Variants in MTERF4 observed in about 807,000 individuals in gnomAD.
The protein encoded by MTERF4 is transcription termination factor 4, mitochondrial.
MTERF4 carries 17 observed loss-of-function variants against 22.5 expected under a neutral mutation model. The observed-to-expected ratio is 0.75, with a 90% CI of 0.52 to 1.13. The LOEUF is 1.13. Among genes scored for constraint, MTERF4 ranks in the 50% most tolerant of loss-of-function variants. The pLI is 0.00. For missense variants in MTERF4, 420 were observed against 466.8 expected, an observed-to-expected ratio of 0.90 and a Z score of 0.92; for synonymous variants, 165 against 175.3, an observed-to-expected ratio of 0.94 and a Z score of 0.47.
At chr2:241,077,715 G>A (rs1209259182) in intron 4 of MTERF4, among the ~76,000 whole-genome samples, 2 of 152,192 alleles carry the variant, frequency 1.3e-5, no homozygotes, top group African/African-American at 4.8e-5. Flanking sequence ...CTGCAAGGAA[G>A]ATATGCAAAT....
downstream of MTERF4, chr2:241,082,405 G>A: frequency 1.2e-5 from 19 of 1,524,042 alleles, no homozygotes; most frequent in Non-Finnish European, 1.4e-5. Context: ...CATTTGTCGT[G>A]TGTTCTTGAC....
downstream of MTERF4, among the ~76,000 whole-genome samples, chr2:241,083,334 G>A (rs1459500099): frequency 6.6e-6 from 1 of 152,156 alleles, no homozygotes; most frequent in Non-Finnish European, 1.5e-5. Flanking sequence ...GAGGGACAGG[G>A]AACCCTCGGG....
the MTERF4 span, among the ~76,000 whole-genome samples, chr2:241,063,095 G>C: frequency 6.6e-6 from 1 of 152,268 alleles, no homozygotes; most frequent in Non-Finnish European, 1.5e-5. Context: ...CTCCCCAGGG[G>C]AGACTGAGAG....
downstream of MTERF4, chr2:241,087,610 T>C (rs1250239735): frequency 2.1e-5 from 31 of 1,445,278 alleles, no homozygotes; most frequent in Non-Finnish European, 2.8e-5. Flanking sequence ...AGGCAGCCCC[T>C]GGGCAGCCAC....
chr2:241,048,960 G>A, the MTERF4 span: 3 of 1,450,382 alleles, frequency 2.1e-6, no homozygotes, highest in South Asian at 3.7e-5. Context: ...TCCTTGACAA[G>A]GACTCGAGGT....
chr2:241,081,757 T>C, intron 4 of MTERF4: 1 of 1,604,270 alleles, frequency 6.2e-7, no homozygotes, highest in Non-Finnish European at 8.5e-7. Context: ...CAGCTGTGAC[T>C]GCGGGCCAGG....
At chr2:241,078,228 C>A (rs561038861) in intron 4 of MTERF4, among the ~76,000 whole-genome samples, 34 of 151,484 alleles carry the variant, frequency 2.2e-4, no homozygotes, top group African/African-American at 8.0e-4. Context: ...ACTAAAAATA[C>A]AAAAATTAGC....
chr2:241,054,311 G>T, the MTERF4 span, among the ~76,000 whole-genome samples: 4 of 152,224 alleles, frequency 2.6e-5, no homozygotes, highest in African/African-American at 9.6e-5. Context: ...TAAAAGTCCA[G>T]AAAATATGTA....
At chr2:241,088,846 G>A (rs759301581), downstream of MTERF4, 77 of 213,508 alleles carry the variant, frequency 3.6e-4, no homozygotes, top group Non-Finnish European at 6.6e-4. Context: ...GGCTGAGAGA[G>A]TGCCTCCCAG....
chr2:241,057,412 T>TATATATATATATATGC, the MTERF4 span, among the ~76,000 whole-genome samples: 11 of 129,378 alleles, frequency 8.5e-5, no homozygotes, highest in African/African-American at 3.0e-4. Context: ...TATATATATA[T>TATATATATATATATGC]GCCATACGCA....
chr2:241,062,335 T>C, the MTERF4 span, among the ~76,000 whole-genome samples: 20 of 152,142 alleles, frequency 1.3e-4, no homozygotes, highest in African/African-American at 4.8e-4. Context: ...AATTAAACTT[T>C]AAAAAAATAA....
exon 5 of MTERF4, chr2:241,072,646 C>T (rs751933241): frequency 4.0e-5 from 9 of 223,830 alleles, no homozygotes; most frequent in Non-Finnish European, 5.3e-5. Context: ...GGGTCCCTGC[C>T]GCACGGTGAG....
At chr2:241,049,986 C>T in the MTERF4 span, 12 of 1,326,434 alleles carry the variant, frequency 9.0e-6, no homozygotes, top group African/African-American at 1.4e-5. Flanking sequence ...AGAGCGCCCG[C>T]GGTCCGCCGT....
At chr2:241,093,957 C>T (rs1419058118), downstream of MTERF4, 2 of 158,962 alleles carry the variant, frequency 1.3e-5, no homozygotes, top group Non-Finnish European at 2.8e-5. Context: ...CTAATGAAAC[C>T]GGGATGGACT....
the MTERF4 span, among the ~76,000 whole-genome samples, chr2:241,055,718 C>T: frequency 6.6e-6 from 1 of 152,188 alleles, no homozygotes; most frequent in Admixed American, 6.5e-5. Context: ...GTTCTCAGCA[C>T]CTACCAGGTC....
chr2:241,095,759 C>G lies in MTERF4; in HGVS notation c.*239G>C. ...AATAGCTCAACATAAGTATCTTATT[C>G]AGGATGGGACAGGGCCCTCCCCACA... On this transcript the variant is annotated 3_prime_UTR_variant, in exon 4 of 4. Coordinates refer to ENST00000391980, the MANE Select transcript of MTERF4 (RefSeq NM_182501.4). 1.7e-6 allele frequency: 1 copy of G among 589,294 alleles called. No homozygotes were observed. Among genetic ancestry groups the G allele is most frequent in the Non-Finnish European group, 2.9e-6 (1 of 348,432 alleles). The allele number at this position is 589,294 out of a possible 1,614,324, so 36.5% of individuals were successfully genotyped here.
chr2:241,068,005 G>A, downstream of MTERF4: 1 of 1,475,772 alleles, frequency 6.8e-7, no homozygotes, highest in Non-Finnish European at 9.3e-7. This position sits in a 1 kb window ranked among gnomAD's most constrained non-coding sequence, Gnocchi z 5.3. Context: ...GGGGCTCGGG[G>A]ACACGGGGCC....
chr2:241,050,825 C>T, the MTERF4 span, among the ~76,000 whole-genome samples: 6 of 146,914 alleles, frequency 4.1e-5, no homozygotes, highest in African/African-American at 1.6e-4. Flanking sequence ...TCCACTGTAC[C>T]CAAGGTGGGG....
downstream of MTERF4, chr2:241,093,633 T>TG (rs1296455688): frequency 6.6e-6 from 1 of 152,044 alleles, no homozygotes; most frequent in Non-Finnish European, 1.5e-5. Flanking sequence ...TTAGAAGCCT[T>TG]GTGTCAACAA....
Sources: gnomAD v4.1 joint callset for allele counts (sites outside exome capture counted in the v4.1 genomes callset) on GRCh38, gnomAD v4.1.1 for gene constraint, Gnocchi (gnomAD v3.1) non-coding constraint, MANE v1.5 for transcripts, NCBI Gene and HGNC (gene_info 2026-07-23, HGNC 2026-07-21) for gene names.